Variants in KLRC1 observed in about 807,000 individuals in gnomAD.
The protein encoded by KLRC1 is killer cell lectin like receptor C1.
A neutral mutation model predicts 25.9 loss-of-function variants in KLRC1; 22 were observed. The observed-to-expected ratio is 0.85, with a 90% CI of 0.61 to 1.21. KLRC1 has a LOEUF of 1.21. Ranked by LOEUF, KLRC1 falls within the 50% of genes most tolerant of loss-of-function variation. The pLI, the probability that KLRC1 is intolerant of heterozygous loss-of-function variation, is 0.00. For missense variants in KLRC1, 240 were observed against 272.2 expected, an observed-to-expected ratio of 0.88 and a Z score of 0.83; for synonymous variants, 77 against 93.1, an observed-to-expected ratio of 0.83 and a Z score of 0.99.
At chr12:10,452,400 T>G (rs1352570347) in intron 1 of KLRC1, among the ~76,000 whole-genome samples, 1 of 152,180 alleles carries the variant, frequency 6.6e-6, no homozygotes, top group Non-Finnish European at 1.5e-5. Flanking sequence ...CTAGAATTAA[T>G]TCTAGCTTTG....
At chr12:10,447,378 A>C in intron 6 of KLRC1, 154 bp downstream of exon 6, 1 of 654,230 alleles carries the variant, frequency 1.5e-6, no homozygotes, top group Admixed American at 3.1e-5. Flanking sequence ...TATATGGACT[A>C]CTATGGTCTA....
upstream of KLRC1, among the ~76,000 whole-genome samples, chr12:10,454,174 T>C (rs1387919894): frequency 1.3e-5 from 2 of 152,178 alleles, no homozygotes; most frequent in Non-Finnish European, 2.9e-5. Context: ...CCCCCACACA[T>C]ATGCCCCCAC....
chr12:10,444,986 C>G (rs1172135939), downstream of KLRC1, among the ~76,000 whole-genome samples: 3 of 145,958 alleles, frequency 2.1e-5, no homozygotes, highest in Non-Finnish European at 4.5e-5. Flanking sequence ...GTGGTGCACT[C>G]TCGGCTCACT....
chr12:10,450,863 C>G, intron 2 of KLRC1, 107 bp downstream of exon 2: 1 of 843,606 alleles, frequency 1.2e-6, no homozygotes, highest in Non-Finnish European at 1.9e-6. Context: ...GAATTCTGAT[C>G]TTTGCAAATA....
At chr12:10,443,146 A>T (rs1863932678), downstream of KLRC1, among the ~76,000 whole-genome samples, 1 of 141,530 alleles carries the variant, frequency 7.1e-6, no homozygotes, top group Non-Finnish European at 1.5e-5. Flanking sequence ...AAATAACTAA[A>T]GAGTATAACT....
At chr12:10,445,040 C>T (rs935377937), downstream of KLRC1, among the ~76,000 whole-genome samples, 2 of 151,350 alleles carry the variant, frequency 1.3e-5, no homozygotes, top group Non-Finnish European at 2.9e-5. Flanking sequence ...CTGCCTCAGC[C>T]TCTCGAGTAG....
At chr12:10,446,828 C>T (rs4763533) in intron 6 of KLRC1, among the ~76,000 whole-genome samples, 166 bp from the exon 7 acceptor site, 58,709 of 152,016 alleles carry the variant, frequency 0.39, 12,559 homozygotes, top group East Asian at 0.54. Flanking sequence ...GAGTAGTCCC[C>T]CTTCATCCAC....
chr12:10,444,678 T>A (rs1863952725), downstream of KLRC1, among the ~76,000 whole-genome samples: 1 of 152,162 alleles, frequency 6.6e-6, no homozygotes, highest in Non-Finnish European at 1.5e-5. Context: ...ACATAAACTT[T>A]CCTAGAAAAA....
rs1864116377 is a variant in KLRC1, at chr12:10,451,078, T to C, written c.79A>G (p.Asn27Asp). 1.2e-6 allele frequency: 2 copies of C among 1,614,002 alleles called. No homozygotes were observed. The highest frequency in any genetic ancestry group is 2.7e-5 in the African/African-American group (2 of 74,940). ...TCAGTTGCTAAAATGGAGTTTTTAT[T>C]GCCTTTAGGTTTTCGTTGCTGCCTC... ...PKRQQRKPKGNKNSILATEQE... is the reference protein window; with the variant it reads ...PKRQQRKPKGDKNSILATEQE... The change falls in exon 2 of 7, where the codon AAT (asparagine) becomes GAT (aspartate). Residue 27 changes from asparagine (N) to aspartate (D), a missense_variant. By Grantham distance (23) the Asn-to-Asp change is conservative (BLOSUM62 1). Transcript: ENST00000359151.
chr12:10,450,865 T>C, intron 2 of KLRC1, 105 bp downstream of exon 2: 1 of 851,576 alleles, frequency 1.2e-6, no homozygotes, highest in Non-Finnish European at 1.9e-6. Flanking sequence ...ATTCTGATCT[T>C]TGCAAATAGA....
chr12:10,449,135 T>C, intron 5 of KLRC1, 102 bp downstream of exon 5: 1 of 1,435,742 alleles, frequency 7.0e-7, no homozygotes, highest in Middle Eastern at 1.8e-4. Context: ...CTTGAAAACA[T>C]ATAAGCTAAA....
chr12:10,447,113 G>C (rs1432155794), intron 6 of KLRC1: 3 of 212,782 alleles, frequency 1.4e-5, no homozygotes, highest in Non-Finnish European at 2.8e-5. Flanking sequence ...AGTCCAGCTC[G>C]AGCTTGTCCA....
rs1200033427 is a variant in KLRC1, at chr12:10,447,574, T to C, written c.548A>G (p.His183Arg). The change falls in exon 6 of 7, where the codon CAT (histidine) becomes CGT (arginine). Residue 183 changes from histidine (H) to arginine (R), a missense_variant. Physicochemically the swap from His to Arg is conservative, Grantham distance 29 (BLOSUM62 0). Transcript: ENST00000359151. ...SWIGVFRNSS[H>R]HPWVTMNGLA... ...ACCATTCATTGTCACCCATGGATGA[T>C]GACTGCTGTTACGAAACACACCAAT... is the stretch of plus-strand genomic sequence containing the variant. 2 of 1,610,520 alleles carry C rather than the reference T, an allele frequency of 1.2e-6. No homozygotes were observed. Among genetic ancestry groups the C allele is most frequent in the Admixed American group, 1.7e-5 (1 of 59,966 alleles).
chr12:10,453,556 C>T (rs1864163214), upstream of KLRC1, among the ~76,000 whole-genome samples: 1 of 143,226 alleles, frequency 7.0e-6, no homozygotes, highest in Non-Finnish European at 1.5e-5. Flanking sequence ...TTTCAAGTGC[C>T]TATGAGAATT....
At chr12:10,447,677 A>T (rs1025886531) in intron 5 of KLRC1, 45 bp from the exon 6 acceptor site, 1 of 1,463,172 alleles carries the variant, frequency 6.8e-7, no homozygotes, top group African/African-American at 1.4e-5. Flanking sequence ...AATTATGAAA[A>T]CATTACAAAA....
In KLRC1 at chr12:10,446,384, T is replaced by A; in HGVS notation, c.*167A>T. ...AATGAGCCCGACACAAATGCTAGGA[T>A]GTCTGTACTTTAGTAATTGTGTGTA... is the stretch of plus-strand genomic sequence containing the variant. On this transcript the variant is annotated 3_prime_UTR_variant, in exon 7 of 7. Coordinates refer to ENST00000359151, the MANE Select transcript of KLRC1 (RefSeq NM_002259.5). The A allele has an allele frequency of 7.1e-7, 1 of 1,398,984 alleles. No homozygotes were observed. 86.7% of individuals were successfully genotyped at this position (1,398,984 alleles called of 1,614,324 possible). A position where few individuals can be genotyped will look rare whatever the true frequency, so the allele number is the denominator to read the frequency against.
chr12:10,451,771 T>A (rs1864132133), intron 1 of KLRC1, among the ~76,000 whole-genome samples: 1 of 152,348 alleles, frequency 6.6e-6, no homozygotes, highest in African/African-American at 2.4e-5. Flanking sequence ...TCTTAAAGTC[T>A]GATGTTTTAC....
chr12:10,450,698 C>T, intron 2 of KLRC1, 119 bp from the exon 3 acceptor site: 1 of 669,730 alleles, frequency 1.5e-6, no homozygotes, highest in Admixed American at 2.8e-5. Flanking sequence ...GACCCCAAAC[C>T]CTCATCTCCC....
At position 10,449,929 on chromosome 12, in the gene KLRC1, T is replaced by C; in HGVS notation, c.322A>G (p.Thr108Ala). The change falls in exon 4 of 7, where the codon ACA (threonine) becomes GCA (alanine). Residue 108 changes from threonine (T) to alanine (A), a missense_variant. By Grantham distance (58) the Thr-to-Ala change is moderately conservative. Transcript: ENST00000359151. ...IQRHNNSSLNTRTQKARHCGH... is the reference protein window; with the variant it reads ...IQRHNNSSLNARTQKARHCGH... ...TATTATATACCTTTCTGAGTTCTTG[T>C]ATTCAGGGAAGAATTGTTGTGCCTC... 3 of 1,489,580 alleles carry C rather than the reference T, an allele frequency of 2.0e-6. No individual in the cohort carries two copies. Among genetic ancestry groups the C allele is most frequent in the Non-Finnish European group, 2.7e-6 (3 of 1,116,430 alleles). The allele number at this position is 1,489,580 out of a possible 1,614,324, so 92.3% of individuals were successfully genotyped here.
Sources: gnomAD v4.1 joint callset for allele counts (sites outside exome capture counted in the v4.1 genomes callset) on GRCh38, gnomAD v4.1.1 for gene constraint, MANE v1.5 for transcripts, NCBI Gene and HGNC (gene_info 2026-07-23, HGNC 2026-07-21) for gene names.